LRRC37A2: variants seen among roughly 807,000 people sequenced by gnomAD.
The protein encoded by LRRC37A2 is leucine rich repeat containing 37 member A2.
LRRC37A2 carries 9 observed loss-of-function variants against 68.8 expected under a neutral mutation model. The ratio of observed to expected loss-of-function variants is 0.13; its 90% CI spans 0.08 to 0.23. LRRC37A2 has a LOEUF of 0.23. Among genes scored for constraint, LRRC37A2 ranks in the 10% least tolerant of loss-of-function variants. LRRC37A2 has a pLI of 1.00. For missense variants in LRRC37A2, 168 were observed against 950.4 expected, an observed-to-expected ratio of 0.18 and a Z score of 10.82; for synonymous variants, 63 against 367.6, an observed-to-expected ratio of 0.17 and a Z score of 9.48.
chr17:46,876,334 G>A, the LRRC37A2 span: 70 of 1,614,048 alleles, frequency 4.3e-5, no homozygotes, highest in South Asian at 5.5e-5. Flanking sequence ...AGCTCTCCCC[G>A]TTCCGTGAGA....
the LRRC37A2 span, among the ~76,000 whole-genome samples, chr17:46,823,636 C>T: frequency 1.2e-4 from 19 of 152,270 alleles, 1 homozygote; most frequent in South Asian, 3.7e-3. Context: ...GACAGGGTTT[C>T]GCCATGTTAG....
At chr17:46,807,818 G>T in the LRRC37A2 span, among the ~76,000 whole-genome samples, 1 of 152,222 alleles carries the variant, frequency 6.6e-6, no homozygotes, top group Non-Finnish European at 1.5e-5. Context: ...CGGGTGCAAG[G>T]ATGTGGCTTC....
rs1328404038 is a variant in LRRC37A2, at chr17:46,551,010, G to A, written c.4809+491G>A. Among the ~76,000 whole-genome samples the A allele has an allele frequency of 4.7e-5, 7 of 149,854 alleles. No individual in the cohort carries two copies. In the East Asian group the frequency reaches 5.8e-4, roughly 12 times the overall value. On this transcript the variant is annotated intron_variant, in intron 11 of 14. Coordinates refer to ENST00000576629, the Ensembl canonical transcript of LRRC37A2. ...AGTGTGTAAGGCATTGTCTAAATAGGTCCAGTTAAAGCACTACAGAGTAGC... is the reference window on the plus strand; with the variant it reads ...AGTGTGTAAGGCATTGTCTAAATAGATCCAGTTAAAGCACTACAGAGTAGC...
At chr17:46,982,255 A>G in the LRRC37A2 span, among the ~76,000 whole-genome samples, 1 of 152,102 alleles carries the variant, frequency 6.6e-6, no homozygotes, top group South Asian at 2.1e-4. Flanking sequence ...GCTCAGTTAT[A>G]TCCTTTGTCT....
the LRRC37A2 span, among the ~76,000 whole-genome samples, chr17:47,034,890 G>A: frequency 6.8e-4 from 103 of 152,208 alleles, no homozygotes; most frequent in Middle Eastern, 6.8e-3. Context: ...CCAGTCATGT[G>A]GCACTCACAT....
the LRRC37A2 span, chr17:46,821,347 C>T: frequency 6.6e-6 from 1 of 152,292 alleles, no homozygotes; most frequent in East Asian, 1.9e-4. Flanking sequence ...CTTCCTTTCC[C>T]CCAGGTGTCC....
chr17:46,755,881 T>A, the LRRC37A2 span: 1 of 1,538,064 alleles, frequency 6.5e-7, no homozygotes, highest in Non-Finnish European at 8.9e-7. Context: ...GAAGATGGCC[T>A]AGGATCTTCA....
chr17:46,544,934 C>T (rs1308472087), intron 8 of LRRC37A2, among the ~76,000 whole-genome samples: 5 of 140,230 alleles, frequency 3.6e-5, no homozygotes, highest in East Asian at 2.1e-4. Flanking sequence ...TTTCATGACA[C>T]TGGCATTTTT....
At chr17:46,958,958 T>C in the LRRC37A2 span, among the ~76,000 whole-genome samples, 1 of 152,158 alleles carries the variant, frequency 6.6e-6, no homozygotes, top group African/African-American at 2.4e-5. Context: ...AGATGGGAAA[T>C]GCTTTTACCA....
the LRRC37A2 span, among the ~76,000 whole-genome samples, chr17:46,980,366 C>CT: frequency 1.1e-3 from 98 of 87,204 alleles, no homozygotes; most frequent in African/African-American, 4.2e-3. Context: ...TTCTTTCTTT[C>CT]TCTTCTTCTT....
At chr17:46,988,410 T>C in the LRRC37A2 span, among the ~76,000 whole-genome samples, 2 of 152,250 alleles carry the variant, frequency 1.3e-5, no homozygotes, top group Non-Finnish European at 2.9e-5. Context: ...GTGATGGACA[T>C]TGTGAATGCA....
the LRRC37A2 span, among the ~76,000 whole-genome samples, chr17:46,832,095 C>A: frequency 6.6e-6 from 1 of 152,204 alleles, no homozygotes; most frequent in Admixed American, 6.5e-5. Flanking sequence ...AGGCTCCAGG[C>A]ACTAAAGGAA....
the LRRC37A2 span, among the ~76,000 whole-genome samples, chr17:46,610,041 C>CTCTT: frequency 0.08 from 9,401 of 118,134 alleles, 1,291 homozygotes; most frequent in African/African-American, 0.12. Flanking sequence ...CTCTCTCTCT[C>CTCTT]TCTTTCTTTC....
the LRRC37A2 span, among the ~76,000 whole-genome samples, chr17:47,044,320 GT>G: frequency 6.6e-6 from 1 of 151,436 alleles, no homozygotes; most frequent in Non-Finnish European, 1.5e-5. Context: ...TAAGTGTAAT[GT>G]CTGATGTTTG....
the LRRC37A2 span, among the ~76,000 whole-genome samples, chr17:47,028,767 G>A: frequency 6.6e-6 from 1 of 151,136 alleles, no homozygotes; most frequent in Non-Finnish European, 1.5e-5. Flanking sequence ...AAAATTAGCT[G>A]GGCGTGGTGG....
At chr17:46,688,316 G>C in the LRRC37A2 span, among the ~76,000 whole-genome samples, 1 of 150,438 alleles carries the variant, frequency 6.6e-6, no homozygotes, top group Non-Finnish European at 1.5e-5. Flanking sequence ...TTCAAGACCA[G>C]CCTGGGCAAC....
the LRRC37A2 span, among the ~76,000 whole-genome samples, chr17:46,627,523 C>A: frequency 1.5e-5 from 2 of 136,536 alleles, no homozygotes; most frequent in Admixed American, 7.5e-5. Context: ...CTGTCCCAGG[C>A]ACATCATACA....
chr17:46,785,591 C>T, the LRRC37A2 span, among the ~76,000 whole-genome samples: 3 of 152,344 alleles, frequency 2.0e-5, no homozygotes, highest in South Asian at 4.1e-4. Flanking sequence ...CCCTTCTGCC[C>T]GCAGCTTCTG....
At chr17:46,923,295 C>T in the LRRC37A2 span, 2 of 1,547,812 alleles carry the variant, frequency 1.3e-6, no homozygotes, top group African/African-American at 1.4e-5. Context: ...GGGGCTGAGG[C>T]CTCGGACGTC....
Sources: allele counts gnomAD v4.1 joint callset (sites outside exome capture counted in the v4.1 genomes callset), GRCh38; gene constraint gnomAD v4.1.1; transcripts MANE v1.5; gene names NCBI Gene and HGNC (gene_info 2026-07-23, HGNC 2026-07-21).